Variants in ITGB2 observed in about 807,000 individuals in gnomAD.
The protein encoded by ITGB2 is integrin beta-2.
In ITGB2, 56 loss-of-function variants were observed where a neutral mutation model predicts 86.8. The observed-to-expected ratio is 0.65, with a 90% CI of 0.52 to 0.81. ITGB2 has a LOEUF of 0.81. Ranked by LOEUF, ITGB2 falls within the 30% of genes least tolerant of loss-of-function variation. The pLI, the probability that ITGB2 is intolerant of heterozygous loss-of-function variation, is 0.00. For missense variants in ITGB2, 948 were observed against 1,061.2 expected, an observed-to-expected ratio of 0.89 and a Z score of 1.48; for synonymous variants, 457 against 450.4, an observed-to-expected ratio of 1.01 and a Z score of -0.19.
intron 7 of ITGB2, 40 bp downstream of exon 7, chr21:44,900,280 C>G: frequency 1.2e-6 from 2 of 1,613,478 alleles, no homozygotes; most frequent in Non-Finnish European, 1.7e-6. Context: ...TCAGTGGTGT[C>G]CTGCCAGGCG....
At chr21:44,923,304 T>G (rs2084332412), upstream of ITGB2, among the ~76,000 whole-genome samples, 2 of 152,166 alleles carry the variant, frequency 1.3e-5, no homozygotes, top group Admixed American at 1.3e-4. Context: ...TAGAACCAAT[T>G]GCAATGCATG....
intron 3 of ITGB2, chr21:44,908,039 G>A (rs1279594272): frequency 5.6e-6 from 4 of 717,258 alleles, no homozygotes; most frequent in East Asian, 2.7e-5. Flanking sequence ...AGAAAGGGGA[G>A]GGAAAAAACC....
At position 44,886,310 on chromosome 21, in the gene ITGB2, G is replaced by A. The variant is rs1040280587; in HGVS notation, c.*58C>T. On this transcript the variant is annotated 3_prime_UTR_variant, in exon 16 of 16. Coordinates refer to ENST00000652462, the MANE Select transcript of ITGB2 (RefSeq NM_000211.5). ...CAAGAGCTGTGGCAAGCCATGTCTC[G>A]GCCGCGTGATGGGGCAGACATGGTG... 8.3e-6 allele frequency: 12 copies of A among 1,441,212 alleles called. No homozygotes were observed. The highest frequency in any genetic ancestry group is 7.0e-5 in the African/African-American group (5 of 71,462). 89.3% of individuals were successfully genotyped at this position (1,441,212 alleles called of 1,614,324 possible). A position where few individuals can be genotyped will look rare whatever the true frequency, so the allele number is the denominator to read the frequency against.
chr21:44,890,328 T>C (rs907220120), intron 11 of ITGB2, 106 bp from the exon 12 acceptor site: 2 of 1,443,912 alleles, frequency 1.4e-6, no homozygotes, highest in Non-Finnish European at 1.9e-6. Context: ...AACACCCCTA[T>C]GGCACATTTT....
chr21:44,905,004 A>G (rs2084021873), intron 4 of ITGB2, among the ~76,000 whole-genome samples: 1 of 152,186 alleles, frequency 6.6e-6, no homozygotes, highest in African/African-American at 2.4e-5. Context: ...CAGACAGTAA[A>G]TGTGTTTGGC....
intron 4 of ITGB2, 24 bp downstream of exon 4, chr21:44,906,891 C>A: frequency 6.2e-7 from 1 of 1,612,824 alleles, no homozygotes; most frequent in African/African-American, 1.3e-5. Flanking sequence ...CGGTGCCTGG[C>A]ACCACCACCG....
At chr21:44,908,718 G>C (rs1219412506) in intron 3 of ITGB2, among the ~76,000 whole-genome samples, 3 of 152,166 alleles carry the variant, frequency 2.0e-5, no homozygotes, top group African/African-American at 7.2e-5. Context: ...TCTGCGGCTT[G>C]TCCGGCTACA....
chr21:44,904,788 A>G (rs2084018565), intron 4 of ITGB2, among the ~76,000 whole-genome samples: 2 of 151,656 alleles, frequency 1.3e-5, no homozygotes, highest in Non-Finnish European at 2.9e-5. Flanking sequence ...ACATATACAC[A>G]CACCCCACAC....
chr21:44,907,220 A>G, intron 3 of ITGB2, 125 bp from the exon 4 acceptor site: 2 of 710,768 alleles, frequency 2.8e-6, no homozygotes, highest in East Asian at 2.7e-5. Context: ...TTTGGGACAG[A>G]AGTCCCTGTG....
rs374287539 is a variant in ITGB2 at position 44,899,706 on chromosome 21, C to T, written c.898-544G>A. On this transcript the variant is annotated intron_variant, in intron 7 of 15. Transcript: ENST00000652462. The stretch of plus-strand genomic sequence containing the variant: ...TGACCAGTGGTTGCCTCTCGGCCCA[C>T]GGCTGATCCCAGCCAGAAGTCCTGG... Among the ~76,000 whole-genome samples, 281 of 152,302 alleles carry T rather than the reference C, an allele frequency of 1.8e-3. 1 individual carries two copies. The highest frequency in any genetic ancestry group is 6.4e-3 in the African/African-American group (268 of 41,552).
chr21:44,889,538 G>C (rs1246166038), intron 12 of ITGB2, 43 bp from the exon 13 acceptor site: 1 of 1,519,430 alleles, frequency 6.6e-7, no homozygotes. Flanking sequence ...CTTGGCCTGG[G>C]AACCGAGACC....
At chr21:44,889,921 C>G (rs901307822) in intron 12 of ITGB2, 57 bp downstream of exon 12, 3 of 1,607,460 alleles carry the variant, frequency 1.9e-6, no homozygotes, top group South Asian at 2.2e-5. Context: ...ACGCACCCCC[C>G]AACACCAAGT....
At chr21:44,888,493 A>T (rs963704505) in intron 14 of ITGB2, among the ~76,000 whole-genome samples, 200 bp downstream of exon 14, 1 of 151,014 alleles carries the variant, frequency 6.6e-6, no homozygotes, top group African/African-American at 2.4e-5. Flanking sequence ...TGAGGAGGGG[A>T]GGGAAAGGGG....
chr21:44,899,013 T>C (rs2083908476), intron 8 of ITGB2, 54 bp downstream of exon 8: 2 of 1,413,262 alleles, frequency 1.4e-6, no homozygotes, highest in East Asian at 4.6e-5. Flanking sequence ...GGGTCTGGCC[T>C]GTGGCTGAAA....
At chr21:44,896,951 G>A (rs1357698790) in intron 8 of ITGB2, among the ~76,000 whole-genome samples, 1 of 152,210 alleles carries the variant, frequency 6.6e-6, no homozygotes, top group East Asian at 1.9e-4. Flanking sequence ...TGGTGAGGAG[G>A]GGACCGTCAT....
At position 44,893,556 on chromosome 21, in the gene ITGB2, G is replaced by A. The variant is rs1467997422; in HGVS notation, c.1084-12C>T. ...CTGGAGGAGAGTTTCTGCGGGCAGA[G>A]AGCGGTTACTCTTGGGGGCGAGTGT... On this transcript the variant is annotated splice_polypyrimidine_tract_variant and intron_variant, in intron 9 of 15. Transcript: ENST00000652462. 1 of 1,613,366 alleles carries A rather than the reference G, an allele frequency of 6.2e-7. No individual in the cohort carries two copies. The highest frequency in any genetic ancestry group is 8.5e-7 in the Non-Finnish European group (1 of 1,179,608).
chr21:44,901,281 G>A (rs561335182), intron 6 of ITGB2, among the ~76,000 whole-genome samples: 21 of 152,342 alleles, frequency 1.4e-4, no homozygotes, highest in Admixed American at 2.6e-4. Flanking sequence ...TGAAATCAGC[G>A]CATGATTTTC....
chr21:44,901,431 G>C, intron 6 of ITGB2, 61 bp downstream of exon 6: 1 of 1,588,300 alleles, frequency 6.3e-7, no homozygotes, highest in Non-Finnish European at 8.6e-7. Context: ...CCCACACAGC[G>C]CCTGACAGAG....
chr21:44,911,797 G>A (rs1211329698), intron 1 of ITGB2, among the ~76,000 whole-genome samples: 1 of 152,218 alleles, frequency 6.6e-6, no homozygotes, highest in Non-Finnish European at 1.5e-5. Context: ...GGTGCTGGAG[G>A]CCGGCAGCAC....
Sources: allele counts gnomAD v4.1 joint callset (sites outside exome capture counted in the v4.1 genomes callset), GRCh38; gene constraint gnomAD v4.1.1; transcripts MANE v1.5; gene names NCBI Gene and HGNC (gene_info 2026-07-23, HGNC 2026-07-21).